DOK1: variants seen among roughly 807,000 people sequenced by gnomAD.
DOK1 encodes docking protein 1.
A neutral mutation model predicts 24.0 loss-of-function variants in DOK1; 12 were observed. The ratio of observed to expected loss-of-function variants is 0.50; its 90% CI spans 0.32 to 0.81. The LOEUF (loss-of-function observed/expected upper bound fraction) is 0.81. DOK1 is among the 30% of genes least tolerant of loss of function. The probability of loss-of-function intolerance (pLI) is 0.03; values close to 1 mark genes in which losing one functional copy is unlikely to be tolerated. For synonymous variants in DOK1, 250 were observed against 260.9 expected (o/e 0.96, Z 0.40); for missense variants, 591 against 620.7 (o/e 0.95, Z 0.51).
In DOK1 at chr2:74,549,610, A is replaced by G; in HGVS notation, c.-358+438A>G. Reference sequence around the variant, plus strand: ...TGGGGGCGGGGCCACAAGCAGGGAAAGAATCCCAGTGGCACCTTTCATGTG... The same window carrying G: ...TGGGGGCGGGGCCACAAGCAGGGAAGGAATCCCAGTGGCACCTTTCATGTG... On this transcript the variant is annotated intron_variant, in intron 1 of 4. Transcript: ENST00000409429. The surrounding 1 kb of genome is among the most constrained non-coding windows in gnomAD (Gnocchi z 5.3). 4 of 1,591,162 alleles carry G rather than the reference A, an allele frequency of 2.5e-6. No individual in the cohort carries two copies. Among genetic ancestry groups the G allele is most frequent in the Non-Finnish European group, 3.4e-6 (4 of 1,164,488 alleles).
At position 74,555,588 on chromosome 2, in the gene DOK1, C is replaced by G; in HGVS notation, c.374C>G (p.Thr125Ser). 2 of 1,614,206 alleles carry G rather than the reference C, an allele frequency of 1.2e-6. No homozygotes were observed. The highest frequency in any genetic ancestry group is 1.7e-6 in the Non-Finnish European group (2 of 1,180,048). The change falls in exon 3 of 5, where the codon ACT becomes AGT. Residue 125 changes from threonine (T) to serine (S), a missense_variant. Coordinates refer to ENST00000233668, the MANE Select transcript of DOK1 (RefSeq NM_001381.5). The surrounding 1 kb of genome is among the most constrained non-coding windows in gnomAD (Gnocchi z 6.1). ...CRNAFPKGSW[T>S]LAPTDNPPKL... Reference sequence around the variant, plus strand: ...TCTCTACTACAGAAAGGCAGCTGGACTCTGGCGCCTACCGATAACCCACCT... The same window carrying G: ...TCTCTACTACAGAAAGGCAGCTGGAGTCTGGCGCCTACCGATAACCCACCT...
rs1224586748 is a variant in DOK1, at chr2:74,556,616, A to C, written c.948A>C (p.Ser316=). The change falls in exon 5 of 5, where the codon TCA becomes TCC. Residue 316 remains serine (S), a synonymous_variant. Coordinates refer to ENST00000233668, the MANE Select transcript of DOK1 (RefSeq NM_001381.5). The surrounding 1 kb of genome is among the most constrained non-coding windows in gnomAD (Gnocchi z 4.1). ...GCCCTTCCCAGGACTCCCTATACTCAGACCCCTTGGACAGCACGTCTGCTC... is the reference window on the plus strand; with the variant it reads ...GCCCTTCCCAGGACTCCCTATACTCCGACCCCTTGGACAGCACGTCTGCTC... ...APCPSQDSLY[S]DPLDSTSAQA... 3.1e-6 allele frequency: 5 copies of C among 1,614,094 alleles called. No individual in the cohort carries two copies. Among genetic ancestry groups the C allele is most frequent in the Non-Finnish European group, 4.2e-6 (5 of 1,180,048 alleles).
At position 74,557,216 on chromosome 2, in the gene DOK1, G is replaced by T; in HGVS notation, c.*102G>T. 1 of 1,237,704 alleles carries T rather than the reference G, an allele frequency of 8.1e-7. No homozygotes were observed. The highest frequency in any genetic ancestry group is 1.5e-5 in the African/African-American group (1 of 66,092). 76.7% of individuals were successfully genotyped at this position (1,237,704 alleles called of 1,614,324 possible). A position where few individuals can be genotyped will look rare whatever the true frequency, so the allele number is the denominator to read the frequency against. ...CAGCAGAAGCCAGAGGGTGGGAGGG[G>T]CCATGCTGTGTGAGACCAGGGGACC... On this transcript the variant is annotated 3_prime_UTR_variant, in exon 5 of 5. Transcript: ENST00000233668.
chr2:74,552,462 A>G, upstream of DOK1: 1 of 1,613,634 alleles, frequency 6.2e-7, no homozygotes, highest in African/African-American at 1.3e-5. Context: ...CTGTATCTCC[A>G]CGCGGCCCTC....
rs1388444904 is a variant in DOK1, at chr2:74,555,244, G to A, written c.151G>A (p.Gly51Arg). ...EFFDHKGSSS[G>R]GGRGSSRRLD... is the part of the protein sequence containing the mutation. ...CTTTGACCATAAGGGGTCGAGCTCT[G>A]GGGGTGGCCGAGGGAGCTCGCGCCG... Residue 51 changes from glycine to arginine, a missense_variant, in exon 2 of 5, where the codon GGG becomes AGG. Gly to Arg is a moderately radical substitution (Grantham distance 125). Transcript: ENST00000233668. This position sits in a 1 kb window ranked among gnomAD's most constrained non-coding sequence, Gnocchi z 6.1. 1.2e-6 allele frequency: 2 copies of A among 1,613,792 alleles called. No homozygotes were observed. The highest frequency in any genetic ancestry group is 1.7e-6 in the Non-Finnish European group (2 of 1,180,036).
Position 74,556,735 on chromosome 2 carries a change from C to G in DOK1, c.1067C>G (p.Pro356Arg). ...TTGCTGAAGGCCAAGCTGACAGACC[C>G]CAAAGAGGATCCCATCTATGATGAA... Reference protein sequence around the residue: ...QQLLKAKLTDPKEDPIYDEPE... With the variant: ...QQLLKAKLTDRKEDPIYDEPE... The change falls in exon 5 of 5, where the codon CCC (proline) becomes CGC (arginine). Residue 356 changes from proline (P) to arginine (R), a missense_variant. Transcript: ENST00000233668. This position sits in a 1 kb window ranked among gnomAD's most constrained non-coding sequence, Gnocchi z 4.1. The G allele has an allele frequency of 1.9e-6, 3 of 1,614,168 alleles. No homozygotes were observed. Among genetic ancestry groups the G allele is most frequent in the Non-Finnish European group, 2.5e-6 (3 of 1,180,024 alleles).
rs932378458 is a variant in DOK1 at position 74,556,154 on chromosome 2, C to T, written c.639+76C>T. On this transcript the variant is annotated intron_variant, in intron 4 of 4. Transcript: ENST00000233668. The surrounding 1 kb of genome is among the most constrained non-coding windows in gnomAD (Gnocchi z 4.1). ...GTGGGGCAGGACAGAAAGTGGGAAG[C>T]TCTGACCTTTGGATCCCCCTTTCTT... The T allele has an allele frequency of 1.3e-6, 2 of 1,532,754 alleles. No homozygotes were observed. The highest frequency in any genetic ancestry group is 2.8e-5 in the African/African-American group (2 of 72,378). The allele number at this position is 1,532,754 out of a possible 1,614,324, so 94.9% of individuals were successfully genotyped here. A position where few individuals can be genotyped will look rare whatever the true frequency, so the allele number is the denominator to read the frequency against.
upstream of DOK1, among the ~76,000 whole-genome samples, chr2:74,553,453 C>T (rs945512687): frequency 6.6e-6 from 1 of 152,208 alleles, no homozygotes; most frequent in African/African-American, 2.4e-5. Flanking sequence ...CTCCTGCCAA[C>T]ACCACCATCC....
Position 74,557,224 on chromosome 2 carries a change from G to C in DOK1, c.*110G>C. The C allele has an allele frequency of 8.8e-7, 1 of 1,138,468 alleles. No individual in the cohort carries two copies. 70.5% of individuals were successfully genotyped at this position (1,138,468 alleles called of 1,614,324 possible). A position where few individuals can be genotyped will look rare whatever the true frequency, so the allele number is the denominator to read the frequency against. On this transcript the variant is annotated 3_prime_UTR_variant, in exon 5 of 5. Coordinates refer to ENST00000233668, the MANE Select transcript of DOK1 (RefSeq NM_001381.5). ...GCCAGAGGGTGGGAGGGGCCATGCTGTGTGAGACCAGGGGACCAGAGGGAT... is the reference window on the plus strand; with the variant it reads ...GCCAGAGGGTGGGAGGGGCCATGCTCTGTGAGACCAGGGGACCAGAGGGAT...
chr2:74,555,357 C>T lies in DOK1; in HGVS notation c.264C>T (p.Ala88=), dbSNP rs765058339. Residue 88 remains alanine (A), a synonymous_variant, in exon 2 of 5, where the codon GCC becomes GCT. Transcript: ENST00000233668. The surrounding 1 kb of genome is among the most constrained non-coding windows in gnomAD (Gnocchi z 6.1). ...CCCCCCCTGAGCCCGGCGCCACTGC[C>T]TTCCGCCTGGACACTGCTCAGCGCT... ...VETPPEPGAT[A]FRLDTAQRSH... The T allele has an allele frequency of 6.2e-6, 10 of 1,613,810 alleles. No homozygotes were observed. In the South Asian group the frequency reaches 9.9e-5, roughly 16 times the overall value.
upstream of DOK1, chr2:74,552,928 A>T (rs1244593510): frequency 2.9e-5 from 11 of 383,772 alleles, no homozygotes; most frequent in Non-Finnish European, 4.7e-5. Context: ...AAAGAGATAG[A>T]GACTGAGCAA....
At chr2:74,553,359 G>A (rs572924450), upstream of DOK1, among the ~76,000 whole-genome samples, 4 of 152,316 alleles carry the variant, frequency 2.6e-5, no homozygotes, top group East Asian at 3.9e-4. Flanking sequence ...CAACACGCAG[G>A]CTCTCAGATG....
chr2:74,555,184 C>T lies in DOK1; in HGVS notation c.91C>T (p.Pro31Ser). ...GAGGAAGACCTGGGCCGTGCTCTAC[C>T]CGGCCAGTCCCCACGGCGTAGCGCG... ...RWRKTWAVLY[P>S]ASPHGVARLE... Residue 31 changes from proline to serine, a missense_variant, in exon 2 of 5, where the codon CCG (proline) becomes TCG (serine). Transcript: ENST00000233668. The surrounding 1 kb of genome is among the most constrained non-coding windows in gnomAD (Gnocchi z 6.1). 2.5e-6 allele frequency: 4 copies of T among 1,613,264 alleles called. No individual in the cohort carries two copies. The highest frequency in any genetic ancestry group is 3.4e-6 in the Non-Finnish European group (4 of 1,179,938).
rs757410769 is a variant in DOK1 at position 74,555,175 on chromosome 2, G to T, written c.82G>T (p.Val28Leu). 1 of 1,612,784 alleles carries T rather than the reference G, an allele frequency of 6.2e-7. No individual in the cohort carries two copies. Among genetic ancestry groups the T allele is most frequent in the African/African-American group, 1.3e-5 (1 of 74,918 alleles). Residue 28 changes from valine to leucine, a missense_variant, in exon 2 of 5, where the codon GTG (valine) becomes TTG (leucine). Physicochemically the swap from Val to Leu is conservative, Grantham distance 32. Transcript: ENST00000233668. This position sits in a 1 kb window ranked among gnomAD's most constrained non-coding sequence, Gnocchi z 6.1. ...GTKRWRKTWA[V>L]LYPASPHGVA... ...CTAGAGGTGGAGGAAGACCTGGGCC[G>T]TGCTCTACCCGGCCAGTCCCCACGG...
Position 74,555,291 on chromosome 2 carries a change from T to G in DOK1, c.198T>G (p.Arg66=). The G allele has an allele frequency of 6.2e-7, 1 of 1,614,108 alleles. No homozygotes were observed. The highest frequency in any genetic ancestry group is 8.5e-7 in the Non-Finnish European group (1 of 1,180,004). The change falls in exon 2 of 5, where the codon CGT becomes CGG. Residue 66 remains arginine, a synonymous_variant. Coordinates refer to ENST00000233668, the MANE Select transcript of DOK1 (RefSeq NM_001381.5). The surrounding 1 kb of genome is among the most constrained non-coding windows in gnomAD (Gnocchi z 6.1). ...GCCGCCTGGACTGCAAAGTGATCCG[T>G]CTGGCTGAGTGTGTGAGTGTGGCCC... ...SSRRLDCKVI[R]LAECVSVAPV...
rs771844885 is a variant in DOK1, at chr2:74,555,983, AG to A, written c.546del (p.Arg182SerfsTer2). Reference sequence around the variant, plus strand: ...CTACGTGCTGAGGGTGGAGGCTGAAAGGCTGACTCTCCTGACCGTGGGGGCC... The same window carrying A: ...CTACGTGCTGAGGGTGGAGGCTGAAAGCTGACTCTCCTGACCGTGGGGGCC... Reference protein sequence around the residue: ...GSYVLRVEAERLTLLTVGAQS... With the variant: ...GSYVLRVEAEXLTLLTVGAQS... On this transcript the variant is annotated frameshift_variant, in exon 4 of 5. Coordinates refer to ENST00000233668, the MANE Select transcript of DOK1 (RefSeq NM_001381.5). LOFTEE classifies it high-confidence loss of function. This position sits in a 1 kb window ranked among gnomAD's most constrained non-coding sequence, Gnocchi z 6.1. 2.0e-5 allele frequency: 33 copies of A among 1,613,932 alleles called. No homozygotes were observed. The highest frequency in any genetic ancestry group is 2.5e-5 in the Non-Finnish European group (29 of 1,179,922).
upstream of DOK1, chr2:74,552,357 C>T (rs762632876): frequency 6.2e-7 from 1 of 1,610,150 alleles, no homozygotes; most frequent in Non-Finnish European, 8.5e-7. Context: ...GTGGGTCCAG[C>T]CTGTGGCCTC....
rs540708563 is a variant in DOK1, at chr2:74,557,065, C to A, written c.1397C>A (p.Ser466Tyr). ...TCAGGGAGCTGGGACTGTGGGCTCT[C>A]TAGAGTAGGGACTGACAAGACTGGG... Reference protein sequence around the residue: ...GASGSWDCGLSRVGTDKTGVK... With the variant: ...GASGSWDCGLYRVGTDKTGVK... The change falls in exon 5 of 5, where the codon TCT (serine) becomes TAT (tyrosine). Residue 466 changes from serine (S) to tyrosine (Y), a missense_variant. By Grantham distance (144) the Ser-to-Tyr change is moderately radical. Transcript: ENST00000233668. 2.5e-6 allele frequency: 4 copies of A among 1,613,534 alleles called. No homozygotes were observed. The African/African-American group carries it at 5.3e-5, about 22-fold the overall frequency.
upstream of DOK1, among the ~76,000 whole-genome samples, chr2:74,551,555 C>A (rs1677014629): frequency 6.6e-6 from 1 of 152,270 alleles, no homozygotes; most frequent in Non-Finnish European, 1.5e-5. Flanking sequence ...ATATCAATCC[C>A]CTGATTCTTC....
Sources: gnomAD v4.1 joint callset for allele counts (sites outside exome capture counted in the v4.1 genomes callset) on GRCh38, gnomAD v4.1.1 for gene constraint, Gnocchi (gnomAD v3.1) non-coding constraint, MANE v1.5 for transcripts, NCBI Gene and HGNC (gene_info 2026-07-23, HGNC 2026-07-21) for gene names.